The following CES5A variants were observed in gnomAD, a reference collection of about 807,000 sequenced individuals.
The protein encoded by CES5A is carboxylesterase 5.
Under a neutral mutation model 62.9 loss-of-function variants are expected in CES5A, and 67 were observed. The ratio of observed to expected loss-of-function variants is 1.07; its 90% CI spans 0.88 to 1.31. The LOEUF (loss-of-function observed/expected upper bound fraction) is 1.31, where lower values mean the gene tolerates loss of function less well. Among genes scored for constraint, CES5A ranks in the 50% most tolerant of loss-of-function variants. The pLI is 0.00. For missense variants in CES5A, 748 were observed against 708.5 expected, an observed-to-expected ratio of 1.06 and a Z score of -0.63; for synonymous variants, 296 against 280.8, an observed-to-expected ratio of 1.05 and a Z score of -0.54.
intron 1 of CES5A, among the ~76,000 whole-genome samples, chr16:55,883,598 A>G (rs1437652099): frequency 2.6e-5 from 4 of 152,146 alleles, no homozygotes; most frequent in African/African-American, 9.7e-5. Context: ...TAGGTCTTTA[A>G]CAGTGGTGCT....
At chr16:55,856,501 T>C (rs2033246861) in intron 8 of CES5A, 56 bp from the exon 9 acceptor site, 15 of 1,544,896 alleles carry the variant, frequency 9.7e-6, no homozygotes, top group Non-Finnish European at 1.3e-5. Flanking sequence ...GGTAAACCCA[T>C]CTCCCCAAGG....
At chr16:55,889,044 T>C (rs1200565299) in intron 1 of CES5A, among the ~76,000 whole-genome samples, 14 of 151,614 alleles carry the variant, frequency 9.2e-5, no homozygotes, top group African/African-American at 3.2e-4. Flanking sequence ...TACTCAAAAG[T>C]AGCCTAGAAT....
At chr16:55,859,256 T>C (rs188103280) in intron 8 of CES5A, among the ~76,000 whole-genome samples, 1 of 152,372 alleles carries the variant, frequency 6.6e-6, no homozygotes, top group East Asian at 1.9e-4. Context: ...AACAATCATT[T>C]ATAATACTGT....
At chr16:55,912,918 TC>T (rs1261429477) in intron 1 of CES5A, among the ~76,000 whole-genome samples, 1 of 152,144 alleles carries the variant, frequency 6.6e-6, no homozygotes, top group African/African-American at 2.4e-5. Flanking sequence ...GACCTCCAGC[TC>T]CTCTTGCCTA....
At chr16:55,861,863 T>C (rs1160189415) in intron 6 of CES5A, among the ~76,000 whole-genome samples, 1 of 151,932 alleles carries the variant, frequency 6.6e-6, no homozygotes, top group Admixed American at 6.5e-5. Context: ...CCCTCTGGAG[T>C]CTAGAAGCCC....
At position 55,935,343 on chromosome 16, in the gene CES5A, C is replaced by T. The variant is rs2034362455; in HGVS notation, c.160+14442G>A. Among the ~76,000 whole-genome samples, 2 of 152,230 alleles carry T rather than the reference C, an allele frequency of 1.3e-5. 1 individual carries two copies. Among genetic ancestry groups the T allele is most frequent in the South Asian group, 4.1e-4 (2 of 4,824 alleles). On this transcript the variant is annotated intron_variant, in intron 2 of 13. Coordinates refer to the CES5A transcript ENST00000521992. ...TCTTCTTATCTGTGGGAGAGTCAGCCTTTCTGTTCTATTTCAGCTTTCAAC... is the reference window on the plus strand; with the variant it reads ...TCTTCTTATCTGTGGGAGAGTCAGCTTTTCTGTTCTATTTCAGCTTTCAAC...
chr16:55,947,605 G>A (rs1374359019), intron 2 of CES5A, among the ~76,000 whole-genome samples: 5 of 152,124 alleles, frequency 3.3e-5, no homozygotes, highest in Non-Finnish European at 5.9e-5. Flanking sequence ...ACATGGCGAG[G>A]GAGATGGTTA....
chr16:55,898,767 C>T (rs2033960352), intron 1 of CES5A, among the ~76,000 whole-genome samples: 3 of 152,204 alleles, frequency 2.0e-5, no homozygotes, highest in Admixed American at 2.0e-4. Flanking sequence ...TGAGGGCCTT[C>T]TTGGAAGATC....
rs115507932 is a variant in CES5A, at chr16:55,901,721, C to T, written c.-256+23602G>A. Among the ~76,000 whole-genome samples the T allele has an allele frequency of 3.5e-3, 536 of 152,306 alleles. 3 individuals are homozygous for T. The highest frequency in any genetic ancestry group is 0.012 in the African/African-American group (515 of 41,556). ...CTGAATTTCCCCAGCTTCCCCCTGA[C>T]GGTTTCCATGGCAAACACTTACACC... On this transcript the variant is annotated intron_variant, in intron 1 of 12. Coordinates refer to the CES5A transcript ENST00000518005.
chr16:55,938,735 CAAAAAAAAAAAAA>C (rs1171756916), intron 2 of CES5A, among the ~76,000 whole-genome samples: 8 of 29,122 alleles, frequency 2.7e-4, no homozygotes, highest in South Asian at 2.8e-3. Flanking sequence ...GACTCCATCT[CAAAAAAAAAAAAA>C]AAAAAAAAAA....
intron 6 of CES5A, among the ~76,000 whole-genome samples, 178 bp downstream of exon 6, chr16:55,863,170 T>C (rs2033388120): frequency 6.6e-6 from 1 of 152,152 alleles, no homozygotes; most frequent in Non-Finnish European, 1.5e-5. Context: ...ATTGTGTAGC[T>C]AGACCCATTT....
intron 2 of CES5A, among the ~76,000 whole-genome samples, chr16:55,941,052 A>C (rs536449102): frequency 6.6e-6 from 1 of 152,046 alleles, no homozygotes; most frequent in Non-Finnish European, 1.5e-5. Context: ...ATTCTACTTA[A>C]TGGCAAATTA....
intron 2 of CES5A, among the ~76,000 whole-genome samples, chr16:55,934,100 C>T (rs1189099181): frequency 6.6e-6 from 1 of 152,112 alleles, no homozygotes; most frequent in Non-Finnish European, 1.5e-5. Flanking sequence ...AGTGGGGTTT[C>T]CTTGACTGTC....
upstream of CES5A, among the ~76,000 whole-genome samples, chr16:55,878,998 C>A (rs1248115089): frequency 1.4e-4 from 21 of 148,748 alleles, no homozygotes; most frequent in African/African-American, 5.0e-4. Flanking sequence ...TCACTGTATC[C>A]CACCACTTCA....
chr16:55,882,010 G>A (rs2033766797), intron 1 of CES5A, among the ~76,000 whole-genome samples: 1 of 152,096 alleles, frequency 6.6e-6, no homozygotes, highest in Non-Finnish European at 1.5e-5. Context: ...AAGTAGACAG[G>A]CAGCCAACTT....
chr16:55,899,648 C>T (rs765993851), intron 1 of CES5A, among the ~76,000 whole-genome samples: 3 of 152,202 alleles, frequency 2.0e-5, no homozygotes, highest in Non-Finnish European at 2.9e-5. Flanking sequence ...TTAAAGCAGT[C>T]GTTCCCAACC....
intron 1 of CES5A, among the ~76,000 whole-genome samples, chr16:55,896,353 C>T (rs2033934226): frequency 1.3e-5 from 2 of 152,082 alleles, no homozygotes. Flanking sequence ...AGGGACACAG[C>T]CAAACCATAT....
intron 2 of CES5A, among the ~76,000 whole-genome samples, chr16:55,949,279 G>A (rs982993471): frequency 6.6e-6 from 1 of 152,176 alleles, no homozygotes; most frequent in Non-Finnish European, 1.5e-5. Flanking sequence ...CAGTGCCAGA[G>A]AAGCATGGGG....
chr16:55,848,914 G>A (rs1280658225), intron 11 of CES5A, among the ~76,000 whole-genome samples: 2 of 152,108 alleles, frequency 1.3e-5, no homozygotes, highest in African/African-American at 2.4e-5. Flanking sequence ...TGTGTTGTGA[G>A]GATGAAAAAC....
Sources: gnomAD v4.1 joint callset for allele counts (sites outside exome capture counted in the v4.1 genomes callset) on GRCh38, gnomAD v4.1.1 for gene constraint, MANE v1.5 for transcripts, NCBI Gene and HGNC (gene_info 2026-07-23, HGNC 2026-07-21) for gene names.